The following NGEF variants were observed in gnomAD, a reference collection of about 807,000 sequenced individuals.
NGEF encodes the protein ephexin-1.
NGEF carries 31 observed loss-of-function variants against 80.9 expected under a neutral mutation model. That is an observed-to-expected ratio of 0.38 (90% CI 0.29 to 0.52). NGEF has a LOEUF of 0.52. NGEF is among the 20% of genes least tolerant of loss of function. NGEF has a pLI of 0.84. For synonymous variants in NGEF, 371 were observed against 370.2 expected, an observed-to-expected ratio of 1.00 and a Z score of -0.03; for missense variants, 709 against 926.2, an observed-to-expected ratio of 0.77 and a Z score of 3.04.
chr2:232,926,344 T>A (rs1232739999), intron 4 of NGEF, among the ~76,000 whole-genome samples: 1 of 152,040 alleles, frequency 6.6e-6, no homozygotes, highest in Non-Finnish European at 1.5e-5. Context: ...AGCGATTTTT[T>A]TTTTTTTTAA....
In NGEF at chr2:232,883,344, C is replaced by A; in HGVS notation, c.1724G>T (p.Arg575Leu). 1 of 1,611,396 alleles carries A rather than the reference C, an allele frequency of 6.2e-7. No homozygotes were observed. The highest frequency in any genetic ancestry group is 8.5e-7 in the Non-Finnish European group (1 of 1,178,614). ...CGCCTTTAGCATGTAGGTGGCCTCC[C>A]GGTCATCTGCGTTCTCCAGCAGCCG... ...ILRLLENADD[R>L]EATYMLKASS... The change falls in exon 12 of 15, where the codon CGG (arginine) becomes CTG (leucine). Residue 575 changes from arginine (R) to leucine (L), a missense_variant. By Grantham distance (102) the Arg-to-Leu change is moderately radical. This residue lies in a region of NGEF where 426 missense variants were observed against 622.9 expected (regional missense o/e 0.68). Transcript: ENST00000264051.
chr2:232,998,714 T>C (rs1106208), intron 1 of NGEF, among the ~76,000 whole-genome samples: 133,973 of 152,096 alleles, frequency 0.88, 59,190 homozygotes, highest in East Asian at 0.99. Context: ...GTGTCTCCTG[T>C]TTCTTGTGCA....
chr2:232,884,870 C>T (rs917194815), intron 10 of NGEF: 5 of 165,242 alleles, frequency 3.0e-5, no homozygotes, highest in South Asian at 1.7e-4. Context: ...TGAGGGTTCA[C>T]GAATGCCTGA....
At chr2:232,940,357 C>T (rs926313070) in intron 3 of NGEF, among the ~76,000 whole-genome samples, 2 of 152,224 alleles carry the variant, frequency 1.3e-5, no homozygotes, top group African/African-American at 4.8e-5. Context: ...GCGTGGAATT[C>T]ACCAAGGGGT....
chr2:232,890,710 A>G (rs1691854410), intron 8 of NGEF, among the ~76,000 whole-genome samples: 1 of 149,210 alleles, frequency 6.7e-6, no homozygotes, highest in Non-Finnish European at 1.5e-5. Flanking sequence ...CCGGGCCCCC[A>G]CTCCCCGACC....
intron 3 of NGEF, among the ~76,000 whole-genome samples, chr2:232,933,111 AAAATAAATAAATAAAT>A (rs60621174): frequency 4.3e-5 from 6 of 140,170 alleles, no homozygotes; most frequent in African/African-American, 1.1e-4. Flanking sequence ...CTCCATCTCA[AAAATAAATAAATAAAT>A]AAATAAATAA....
At chr2:232,932,724 G>A (rs1257923378) in intron 3 of NGEF, among the ~76,000 whole-genome samples, 1 of 152,038 alleles carries the variant, frequency 6.6e-6, no homozygotes, top group Non-Finnish European at 1.5e-5. Flanking sequence ...TTCTGTGAAG[G>A]GCTTACTTCC....
intron 1 of NGEF, among the ~76,000 whole-genome samples, chr2:232,983,359 G>A (rs1055047099): frequency 6.6e-6 from 1 of 152,134 alleles, no homozygotes; most frequent in Non-Finnish European, 1.5e-5. Flanking sequence ...GAGGGAAGGA[G>A]GAGGGGACCT....
At chr2:232,894,435 T>C (rs1418740920) in intron 6 of NGEF, among the ~76,000 whole-genome samples, 1 of 152,122 alleles carries the variant, frequency 6.6e-6, no homozygotes, top group East Asian at 1.9e-4. Context: ...GGTTTAAACC[T>C]GTCCAACCAC....
chr2:232,992,077 CAAAAT>C (rs1694661633), intron 1 of NGEF, among the ~76,000 whole-genome samples: 2 of 151,922 alleles, frequency 1.3e-5, no homozygotes, highest in African/African-American at 4.8e-5. Flanking sequence ...AAGATTAACT[CAAAAT>C]AAATAAAAAA....
Position 232,975,041 on chromosome 2 carries a change from C to A in NGEF, c.-74-77G>T, listed in dbSNP as rs1344734199. On this transcript the variant is annotated intron_variant, in intron 1 of 14. Transcript: ENST00000264051. ...TATTCAGACTGTGGAACTCCACTCCCATTCGAATTTGATGAAACGTGGGAT... is the reference window on the plus strand; with the variant it reads ...TATTCAGACTGTGGAACTCCACTCCAATTCGAATTTGATGAAACGTGGGAT... 6 of 715,792 alleles carry A rather than the reference C, an allele frequency of 8.4e-6. No homozygotes were observed. In the East Asian group the frequency reaches 1.6e-4, roughly 19 times the overall value. 44.3% of individuals were successfully genotyped at this position (715,792 alleles called of 1,614,324 possible).
chr2:232,886,855 C>T (rs1691711174), intron 9 of NGEF, among the ~76,000 whole-genome samples: 1 of 152,214 alleles, frequency 6.6e-6, no homozygotes, highest in Non-Finnish European at 1.5e-5. Flanking sequence ...GCTCTGCTTC[C>T]AGAGGTGGGC....
intron 4 of NGEF, among the ~76,000 whole-genome samples, chr2:232,926,148 A>G (rs1181156094): frequency 1.3e-5 from 2 of 152,208 alleles, no homozygotes; most frequent in African/African-American, 4.8e-5. Context: ...ACTGGAGGAC[A>G]ATAATTATAT....
chr2:232,879,433 C>A lies in NGEF; in HGVS notation c.*56G>T, dbSNP rs1011216437. ...GTGCTTCCCAGAGCCCCCCCCCCCC[C>A]ACCTTCTGTCGGGGTCTCATGCAGG... On this transcript the variant is annotated 3_prime_UTR_variant, in exon 15 of 15. Transcript: ENST00000264051. 9.3e-4 allele frequency: 1,316 copies of A among 1,418,596 alleles called. 8 individuals carry two copies. Among genetic ancestry groups the A allele is most frequent in the Admixed American group, 1.3e-3 (70 of 54,340 alleles). The allele number at this position is 1,418,596 out of a possible 1,614,324, so 87.9% of individuals were successfully genotyped here. A position where few individuals can be genotyped will look rare whatever the true frequency, so the allele number is the denominator to read the frequency against.
intron 14 of NGEF, 108 bp downstream of exon 14, chr2:232,881,038 A>T: frequency 1.2e-6 from 1 of 835,696 alleles, no homozygotes; most frequent in Non-Finnish European, 2.0e-6. Flanking sequence ...GAGACATGGC[A>T]GGACACCAGC....
chr2:232,954,748 G>A (rs2106309104), intron 3 of NGEF, among the ~76,000 whole-genome samples: 1 of 150,040 alleles, frequency 6.7e-6, no homozygotes, highest in Non-Finnish European at 1.5e-5. Flanking sequence ...AAAAAAGAGA[G>A]GAGCTCCTAA....
chr2:232,899,644 A>G (rs2106244948), intron 5 of NGEF, among the ~76,000 whole-genome samples: 1 of 122,606 alleles, frequency 8.2e-6, no homozygotes, highest in South Asian at 2.7e-4. Context: ...ACTCATATAC[A>G]CGTTCACTCA....
intron 1 of NGEF, among the ~76,000 whole-genome samples, chr2:233,010,412 T>C (rs1695178342): frequency 6.6e-6 from 1 of 152,146 alleles, no homozygotes. Flanking sequence ...TGCTTTATAA[T>C]ACATCAAACC....
At position 232,994,673 on chromosome 2, in the gene NGEF, G is replaced by T. The variant is rs550884849; in HGVS notation, c.-75+18395C>A. Among the ~76,000 whole-genome samples the T allele has an allele frequency of 4.4e-3, 666 of 152,198 alleles. 8 individuals are homozygous for T. The highest frequency in any genetic ancestry group is 0.015 in the African/African-American group (623 of 41,520). On this transcript the variant is annotated intron_variant, in intron 1 of 14. Transcript: ENST00000264051. Reference sequence around the variant, plus strand: ...CGGCCCTTCGCTGGCTGAATGCATTGGGCATGTGGGTTCCCCTTGGGGCCT... The same window carrying T: ...CGGCCCTTCGCTGGCTGAATGCATTTGGCATGTGGGTTCCCCTTGGGGCCT...
Sources: gnomAD v4.1 joint callset for allele counts (sites outside exome capture counted in the v4.1 genomes callset) on GRCh38, gnomAD v4.1.1 for gene constraint, gnomAD v4.1.1 regional missense constraint, MANE v1.5 for transcripts, NCBI Gene and HGNC (gene_info 2026-07-23, HGNC 2026-07-21) for gene names.